The following RAB31 variants were observed in gnomAD, a reference collection of about 807,000 sequenced individuals.
The protein encoded by RAB31 is ras-related protein Rab-31.
Under a neutral mutation model 25.6 loss-of-function variants are expected in RAB31, and 21 were observed. The ratio of observed to expected loss-of-function variants is 0.82; its 90% CI spans 0.58 to 1.18. RAB31 has a LOEUF of 1.18. Ranked by LOEUF, RAB31 falls within the 50% of genes most tolerant of loss-of-function variation. The pLI, the probability that RAB31 is intolerant of heterozygous loss-of-function variation, is 0.00. For synonymous variants in RAB31, 87 were observed against 84.0 expected, an observed-to-expected ratio of 1.04 and a Z score of -0.20; for missense variants, 196 against 250.1, an observed-to-expected ratio of 0.78 and a Z score of 1.46.
chr18:9,827,618 AG>A (rs1263752914), intron 5 of RAB31, among the ~76,000 whole-genome samples: 2 of 138,540 alleles, frequency 1.4e-5, no homozygotes, highest in African/African-American at 5.2e-5. Context: ...AAACATTGGG[AG>A]GGATGGGTGG....
intron 2 of RAB31, among the ~76,000 whole-genome samples, chr18:9,791,373 T>C (rs1004436373): frequency 2.0e-5 from 3 of 150,204 alleles, no homozygotes; most frequent in Non-Finnish European, 4.4e-5. Flanking sequence ...AGCTAACTGG[T>C]TTTAGAAACA....
At chr18:9,740,527 A>G (rs2068172728) in intron 1 of RAB31, among the ~76,000 whole-genome samples, 1 of 152,096 alleles carries the variant, frequency 6.6e-6, no homozygotes, top group Admixed American at 6.5e-5. Flanking sequence ...CAGCCTGGCA[A>G]CATGGTGAAA....
intron 1 of RAB31, among the ~76,000 whole-genome samples, chr18:9,736,354 T>G (rs995249862): frequency 2.6e-5 from 4 of 152,198 alleles, no homozygotes; most frequent in Non-Finnish European, 5.9e-5. Context: ...CCACTTTTGC[T>G]GCTGATCTTA....
chr18:9,713,516 C>T (rs2068028481), intron 1 of RAB31, among the ~76,000 whole-genome samples: 1 of 152,174 alleles, frequency 6.6e-6, no homozygotes, highest in Non-Finnish European at 1.5e-5. Flanking sequence ...ATGCACCCAT[C>T]CCAGGCTGAT....
At chr18:9,842,751 G>T (rs1168041873) in intron 5 of RAB31, among the ~76,000 whole-genome samples, 1 of 152,218 alleles carries the variant, frequency 6.6e-6, no homozygotes. Flanking sequence ...GCTGGTGGGT[G>T]CTTGTGCCAT....
At chr18:9,750,161 T>G (rs1318453900) in intron 1 of RAB31, among the ~76,000 whole-genome samples, 1 of 119,410 alleles carries the variant, frequency 8.4e-6, no homozygotes, top group Non-Finnish European at 1.8e-5. Context: ...GTGTTCTGGC[T>G]TTTGTGAAGA....
chr18:9,856,037 T>C (rs1228300293), intron 6 of RAB31: 1 of 152,200 alleles, frequency 6.6e-6, no homozygotes, highest in East Asian at 1.9e-4. Context: ...TCCAAGTTCA[T>C]TGAACTGGAA....
At chr18:9,854,068 C>T (rs1202296526) in intron 6 of RAB31, among the ~76,000 whole-genome samples, 2 of 150,628 alleles carry the variant, frequency 1.3e-5, no homozygotes, top group Admixed American at 6.7e-5. Context: ...CGTATCAACA[C>T]GTCATCTAGG....
chr18:9,768,507 A>G (rs569583435), intron 1 of RAB31, among the ~76,000 whole-genome samples: 46 of 152,208 alleles, frequency 3.0e-4, no homozygotes, highest in Non-Finnish European at 5.7e-4. Context: ...TTTTTTTGAG[A>G]AGTGTCTGTT....
At chr18:9,789,218 A>G (rs1206562419) in intron 2 of RAB31, among the ~76,000 whole-genome samples, 7 of 152,216 alleles carry the variant, frequency 4.6e-5, no homozygotes, top group Admixed American at 1.3e-4. Flanking sequence ...TAGTTATTAG[A>G]AGCTGGGAAG....
chr18:9,797,914 A>G (rs1386335388), intron 3 of RAB31, among the ~76,000 whole-genome samples: 1 of 152,174 alleles, frequency 6.6e-6, no homozygotes, highest in Non-Finnish European at 1.5e-5. Context: ...TGCGAAAATG[A>G]CTATTGTAGT....
At chr18:9,727,519 T>C (rs968508205) in intron 1 of RAB31, among the ~76,000 whole-genome samples, 9 of 152,318 alleles carry the variant, frequency 5.9e-5, no homozygotes, top group Admixed American at 5.9e-4. Context: ...TCTCGTTATG[T>C]TGTCGAGGCT....
rs1463675155 is a variant in RAB31, at chr18:9,861,032, A to T, written c.*1707A>T. On this transcript the variant is annotated 3_prime_UTR_variant, in exon 7 of 7. Coordinates refer to ENST00000578921, the MANE Select transcript of RAB31 (RefSeq NM_006868.4). ...TGCAGGGATTTTTAGGGTTTTTTCCACATTGTCCACATTAATGGTTGGCAT... is the reference window on the plus strand; with the variant it reads ...TGCAGGGATTTTTAGGGTTTTTTCCTCATTGTCCACATTAATGGTTGGCAT... 1.3e-5 allele frequency: 2 copies of T among 151,694 alleles called. No individual in the cohort carries two copies. The allele number at this position is 151,694 out of a possible 1,614,324, so 9.4% of individuals were successfully genotyped here.
chr18:9,791,600 T>C (rs989471143), intron 2 of RAB31, among the ~76,000 whole-genome samples: 1 of 151,770 alleles, frequency 6.6e-6, no homozygotes, highest in Admixed American at 6.6e-5. Context: ...TATTATCATA[T>C]ACATATTTTT....
chr18:9,809,135 C>T (rs533924238), intron 3 of RAB31, among the ~76,000 whole-genome samples: 4 of 152,278 alleles, frequency 2.6e-5, no homozygotes, highest in African/African-American at 4.8e-5. Flanking sequence ...ACACGGAAGG[C>T]GAGAGCCTCC....
intron 3 of RAB31, among the ~76,000 whole-genome samples, chr18:9,792,767 A>G (rs920312378): frequency 2.0e-5 from 3 of 152,074 alleles, no homozygotes; most frequent in African/African-American, 7.2e-5. Flanking sequence ...TACTGGTGGG[A>G]TCTGGCAGTA....
chr18:9,749,868 C>T (rs1321230312), intron 1 of RAB31, among the ~76,000 whole-genome samples: 1 of 152,196 alleles, frequency 6.6e-6, no homozygotes, highest in Non-Finnish European at 1.5e-5. Context: ...GAGCAGCACA[C>T]TGAGGCTTTA....
chr18:9,827,648 C>T (rs1054206437), intron 5 of RAB31, among the ~76,000 whole-genome samples: 2 of 152,058 alleles, frequency 1.3e-5, no homozygotes, highest in African/African-American at 4.8e-5. Flanking sequence ...CCAGGGAGTC[C>T]AGAATTCCTT....
chr18:9,837,179 A>G lies in RAB31; in HGVS notation c.381-8403A>G, dbSNP rs538448453. Among the ~76,000 whole-genome samples the G allele has an allele frequency of 1.2e-3, 188 of 152,266 alleles. 1 individual carries two copies. The highest frequency in any genetic ancestry group is 4.2e-3 in the African/African-American group (175 of 41,540). On this transcript the variant is annotated intron_variant, in intron 5 of 6. Coordinates refer to ENST00000578921, the MANE Select transcript of RAB31 (RefSeq NM_006868.4). ...CAGTATGTGAGGAACGGGGGAAAAC[A>G]TGAGAAGTGTCAGTTTGAGGAACGG...
Sources: gnomAD v4.1 joint callset for allele counts (sites outside exome capture counted in the v4.1 genomes callset) on GRCh38, gnomAD v4.1.1 for gene constraint, MANE v1.5 for transcripts, NCBI Gene and HGNC (gene_info 2026-07-23, HGNC 2026-07-21) for gene names.